Variants in PDZD9 observed in about 807,000 individuals in gnomAD.
The protein encoded by PDZD9 is PDZ domain-containing protein 9.
Under a neutral mutation model 16.3 loss-of-function variants are expected in PDZD9, and 13 were observed. That is an observed-to-expected ratio of 0.80 (90% CI 0.52 to 1.27). The LOEUF is 1.27. Ranked by LOEUF, PDZD9 falls within the 50% of genes most tolerant of loss-of-function variation. The pLI is 0.00. For synonymous variants in PDZD9, 120 were observed against 111.0 expected (o/e 1.08, Z -0.51); for missense variants, 288 against 310.9 (o/e 0.93, Z 0.55).
At chr16:21,980,282 A>G, downstream of PDZD9, 2 of 402,078 alleles carry the variant, frequency 5.0e-6, no homozygotes, top group South Asian at 7.5e-5. Context: ...CTGTAGCAGC[A>G]TATGGACCCA....
At chr16:21,963,688 C>G in the PDZD9 span, among the ~76,000 whole-genome samples, 14 of 151,420 alleles carry the variant, frequency 9.2e-5, no homozygotes, top group Non-Finnish European at 1.8e-4. Flanking sequence ...AGGCTGGTCT[C>G]GAACTCCTGG....
At chr16:21,958,470 T>C in the PDZD9 span, 2 of 1,369,420 alleles carry the variant, frequency 1.5e-6, no homozygotes, top group East Asian at 2.3e-5. Flanking sequence ...GATTTTGATA[T>C]AGTGTGATGT....
intron 1 of PDZD9, chr16:21,999,775 C>T (rs1899244625): frequency 6.6e-6 from 1 of 152,414 alleles, no homozygotes; most frequent in Admixed American, 6.5e-5. Context: ...GTGGCTCACA[C>T]CTGTAATCCC....
rs1300443867 is a variant in PDZD9 at position 22,001,035 on chromosome 16, AG to A, written c.12del (p.Ser5ProfsTer21). ...CAGTTACCTTTTTTGTTTTTGTGGG[AG>A]GCCTTCTGCATGGTCCCGGGAGGTC... MQKASHKNKKERGV... is the reference protein window; with the variant it reads MQKXSHKNKKERGV... On this transcript the variant is annotated frameshift_variant, in exon 1 of 4. Coordinates refer to ENST00000424898, the MANE Select transcript of PDZD9 (RefSeq NM_001363519.1). LOFTEE classifies it high-confidence loss of function. The A allele has an allele frequency of 2.6e-6, 4 of 1,532,666 alleles. No individual in the cohort carries two copies. The highest frequency in any genetic ancestry group is 3.5e-6 in the Non-Finnish European group (4 of 1,145,724). 94.9% of individuals were successfully genotyped at this position (1,532,666 alleles called of 1,614,324 possible). A position where few individuals can be genotyped will look rare whatever the true frequency, so the allele number is the denominator to read the frequency against.
intron 1 of PDZD9, among the ~76,000 whole-genome samples, chr16:22,000,746 C>T (rs1307571052): frequency 6.6e-6 from 1 of 151,782 alleles, no homozygotes; most frequent in African/African-American, 2.4e-5. Context: ...ATCACTTGAG[C>T]CTGGGAGGCA....
chr16:21,991,297 A>C (rs1899016130), intron 2 of PDZD9, among the ~76,000 whole-genome samples: 1 of 151,906 alleles, frequency 6.6e-6, no homozygotes, highest in Non-Finnish European at 1.5e-5. Flanking sequence ...ATGCAGGGAT[A>C]CAAATACAGC....
At position 21,984,049 on chromosome 16, in the gene PDZD9, TC is replaced by T. The variant is rs1898805029; in HGVS notation, c.*217del. On this transcript the variant is annotated 3_prime_UTR_variant, in exon 4 of 4. Coordinates refer to ENST00000424898, the MANE Select transcript of PDZD9 (RefSeq NM_001363519.1). Reference sequence around the variant, plus strand: ...AAGAAATTCTTCTCAAAAAGGAGGGTCTTATTCTGAAAATAAGATTTGTGAG... The same window carrying T: ...AAGAAATTCTTCTCAAAAAGGAGGGTTTATTCTGAAAATAAGATTTGTGAG... 2.2e-6 allele frequency: 1 copy of T among 447,064 alleles called. No individual in the cohort carries two copies. The allele number at this position is 447,064 out of a possible 1,614,324, so 27.7% of individuals were successfully genotyped here.
the PDZD9 span, chr16:21,976,294 A>T: frequency 6.9e-7 from 1 of 1,444,290 alleles, no homozygotes; most frequent in Non-Finnish European, 9.7e-7. Flanking sequence ...TGAAAGTTGT[A>T]TTCTTTTCAG....
downstream of PDZD9, among the ~76,000 whole-genome samples, chr16:21,982,613 C>T (rs1339580244): frequency 6.6e-6 from 1 of 152,146 alleles, no homozygotes; most frequent in Non-Finnish European, 1.5e-5. Flanking sequence ...CAAATTAAAG[C>T]ACCAGCCATC....
the PDZD9 span, chr16:21,976,125 T>A: frequency 7.0e-7 from 1 of 1,430,018 alleles, no homozygotes; most frequent in Non-Finnish European, 9.9e-7. Context: ...CAGGAGACTC[T>A]GGTACTGACC....
At chr16:21,958,400 ATTC>A in the PDZD9 span, 4 of 766,624 alleles carry the variant, frequency 5.2e-6, no homozygotes, top group Non-Finnish European at 8.7e-6. Context: ...TTGTTTTATA[ATTC>A]TTAACTAAAA....
At chr16:21,974,774 T>C in the PDZD9 span, among the ~76,000 whole-genome samples, 1 of 152,192 alleles carries the variant, frequency 6.6e-6, no homozygotes, top group Admixed American at 6.5e-5. Flanking sequence ...AAATTATAAA[T>C]GGCTCAAGTC....
the PDZD9 span, among the ~76,000 whole-genome samples, chr16:21,960,181 T>G: frequency 6.6e-6 from 1 of 152,216 alleles, no homozygotes; most frequent in East Asian, 1.9e-4. Context: ...TTTGTCAGCA[T>G]TGAAAATCTG....
downstream of PDZD9, chr16:21,980,560 G>A: frequency 6.2e-7 from 1 of 1,613,896 alleles, no homozygotes; most frequent in South Asian, 1.1e-5. Flanking sequence ...CAAGCTGAAA[G>A]CTGGATACCT....
chr16:21,970,411 A>G, the PDZD9 span, among the ~76,000 whole-genome samples: 3 of 152,210 alleles, frequency 2.0e-5, no homozygotes, highest in African/African-American at 4.8e-5. Context: ...CCCACCAGCA[A>G]TGCACAAAGG....
Position 21,984,239 on chromosome 16 carries a change from G to C in PDZD9, c.*28C>G. 6.3e-7 allele frequency: 1 copy of C among 1,579,330 alleles called. No homozygotes were observed. Among genetic ancestry groups the C allele is most frequent in the Admixed American group, 1.8e-5 (1 of 56,512 alleles). The stretch of plus-strand genomic sequence containing the variant: ...AGGCACAAAACTTGGGTGTCTGCAA[G>C]ATAAATGCTCATATGACCACAGATT... On this transcript the variant is annotated 3_prime_UTR_variant, in exon 4 of 4. Coordinates refer to ENST00000424898, the MANE Select transcript of PDZD9 (RefSeq NM_001363519.1).
chr16:21,966,705 C>A, the PDZD9 span, among the ~76,000 whole-genome samples: 1 of 152,270 alleles, frequency 6.6e-6, no homozygotes, highest in South Asian at 2.1e-4. Flanking sequence ...GAACAGGCAG[C>A]CGTTTTCATA....
At chr16:21,959,848 A>C in the PDZD9 span, 1 of 152,376 alleles carries the variant, frequency 6.6e-6, no homozygotes, top group Non-Finnish European at 1.5e-5. Context: ...GTACATCTGC[A>C]TCAGAGCTCT....
intron 2 of PDZD9, among the ~76,000 whole-genome samples, chr16:21,994,494 C>T (rs904271000): frequency 2.0e-5 from 3 of 152,220 alleles, no homozygotes; most frequent in East Asian, 3.8e-4. Context: ...CCCAAAGACA[C>T]GAGGAGCAGG....
Sources: gnomAD v4.1 joint callset for allele counts (sites outside exome capture counted in the v4.1 genomes callset) on GRCh38, gnomAD v4.1.1 for gene constraint, MANE v1.5 for transcripts, NCBI Gene and HGNC (gene_info 2026-07-23, HGNC 2026-07-21) for gene names.